Variants in BICC1 observed in about 807,000 individuals in gnomAD.
BICC1 encodes protein bicaudal C homolog 1.
In BICC1, 43 loss-of-function variants were observed where a neutral mutation model predicts 111.0. That is an observed-to-expected ratio of 0.39 (90% CI 0.30 to 0.50). BICC1 has a LOEUF of 0.50. BICC1 is among the 20% of genes least tolerant of loss of function. The probability of loss-of-function intolerance (pLI) is 0.88; values close to 1 mark genes in which losing one functional copy is unlikely to be tolerated. For synonymous variants in BICC1, 467 were observed against 434.4 expected, an observed-to-expected ratio of 1.07 and a Z score of -0.93; for missense variants, 1,091 against 1,203.2, an observed-to-expected ratio of 0.91 and a Z score of 1.38.
chr10:58,535,544 A>G (rs528367308), intron 1 of BICC1, among the ~76,000 whole-genome samples: 1 of 151,954 alleles, frequency 6.6e-6, no homozygotes, highest in African/African-American at 2.4e-5. Context: ...GGAATTTGTC[A>G]ATACTAGACC....
At chr10:58,808,160 G>A (rs1843772735) in intron 17 of BICC1, among the ~76,000 whole-genome samples, 1 of 151,822 alleles carries the variant, frequency 6.6e-6, no homozygotes, top group Non-Finnish European at 1.5e-5. Context: ...TTTCATTTTG[G>A]GAGTTATAGT....
chr10:58,679,951 C>A (rs1839465197), intron 2 of BICC1, among the ~76,000 whole-genome samples: 1 of 152,174 alleles, frequency 6.6e-6, no homozygotes, highest in South Asian at 2.1e-4. Context: ...ATGATTACCT[C>A]AATAGATGTA....
intron 2 of BICC1, among the ~76,000 whole-genome samples, chr10:58,688,949 A>G (rs1564555330): frequency 6.6e-6 from 1 of 152,076 alleles, no homozygotes; most frequent in Non-Finnish European, 1.5e-5. Flanking sequence ...TGATGGGTGC[A>G]GCAAACTACC....
At chr10:58,756,341 G>T (rs1353886002) in intron 3 of BICC1, among the ~76,000 whole-genome samples, 2 of 152,122 alleles carry the variant, frequency 1.3e-5, no homozygotes, top group African/African-American at 4.8e-5. Context: ...AATGAAACTC[G>T]CTGTTTTGTG....
chr10:58,813,695 G>A lies in BICC1; in HGVS notation c.2377-135G>A. On this transcript the variant is annotated intron_variant, in intron 17 of 20. Transcript: ENST00000373886. ...GGCAGGTTCCACAGCCTTCCCGAGA[G>A]TCAACACTCATGAGTAACTGCGGTG... 3.4e-6 allele frequency: 3 copies of A among 889,786 alleles called. No homozygotes were observed. In the South Asian group the frequency reaches 5.0e-5, roughly 15 times the overall value. The allele number at this position is 889,786 out of a possible 1,614,324, so 55.1% of individuals were successfully genotyped here.
At chr10:58,769,847 C>T (rs1220399155) in intron 3 of BICC1, among the ~76,000 whole-genome samples, 1 of 151,944 alleles carries the variant, frequency 6.6e-6, no homozygotes, top group Non-Finnish European at 1.5e-5. Flanking sequence ...GACTTTGGGC[C>T]TAAATTTCTA....
intron 1 of BICC1, 35 bp from the exon 2 acceptor site, chr10:58,620,820 A>C: frequency 6.2e-7 from 1 of 1,600,736 alleles, no homozygotes; most frequent in South Asian, 1.1e-5. Context: ...CATACATTGA[A>C]AAAGTATTTT....
chr10:58,526,912 G>A (rs1842558485), intron 1 of BICC1, among the ~76,000 whole-genome samples: 1 of 152,194 alleles, frequency 6.6e-6, no homozygotes, highest in Non-Finnish European at 1.5e-5. Context: ...CTTTATAGCA[G>A]CATGATTTAT....
chr10:58,627,455 C>T (rs1219263485), intron 2 of BICC1, among the ~76,000 whole-genome samples: 1 of 152,206 alleles, frequency 6.6e-6, no homozygotes, highest in East Asian at 1.9e-4. Context: ...AATTCCTGTA[C>T]TTGTCGGCAT....
intron 8 of BICC1, 68 bp from the exon 9 acceptor site, chr10:58,793,415 TG>T (rs1843241392): frequency 7.3e-6 from 10 of 1,376,854 alleles, no homozygotes; most frequent in Non-Finnish European, 9.1e-6. Flanking sequence ...TTTGCAGGCA[TG>T]TTAAATTATC....
At chr10:58,567,061 G>A (rs1204815644) in intron 1 of BICC1, among the ~76,000 whole-genome samples, 5 of 152,114 alleles carry the variant, frequency 3.3e-5, no homozygotes, top group Non-Finnish European at 7.3e-5. Flanking sequence ...GAGAGGCAGC[G>A]GCAGCTGTGC....
chr10:58,660,618 TAA>T (rs1838812008), intron 2 of BICC1, among the ~76,000 whole-genome samples: 1 of 150,940 alleles, frequency 6.6e-6, no homozygotes, highest in Admixed American at 6.6e-5. Context: ...TATGCCTAAT[TAA>T]TTAGTTAATT....
chr10:58,726,106 A>G (rs141265760), intron 3 of BICC1, among the ~76,000 whole-genome samples: 298 of 152,356 alleles, frequency 2.0e-3, no homozygotes, highest in African/African-American at 6.4e-3. Flanking sequence ...TTAGACTGCA[A>G]ATTCAATCAT....
intron 1 of BICC1, among the ~76,000 whole-genome samples, chr10:58,585,965 A>G (rs1340862088): frequency 6.6e-6 from 1 of 152,202 alleles, no homozygotes; most frequent in Non-Finnish European, 1.5e-5. Context: ...GTTAGTAGCC[A>G]CATGAGTAGC....
At chr10:58,682,155 A>G (rs1307664618) in intron 2 of BICC1, among the ~76,000 whole-genome samples, 2 of 151,828 alleles carry the variant, frequency 1.3e-5, no homozygotes, top group Non-Finnish European at 2.9e-5. Flanking sequence ...GCTCAGAATG[A>G]TGGTTTCCAG....
rs1316012981 is a variant in BICC1, at chr10:58,800,980, C to T, written c.1949C>T (p.Ser650Phe). 6.2e-7 allele frequency: 1 copy of T among 1,612,410 alleles called. No individual in the cohort carries two copies. The highest frequency in any genetic ancestry group is 8.5e-7 in the Non-Finnish European group (1 of 1,179,246). Residue 650 changes from serine to phenylalanine, a missense_variant, in exon 14 of 21, where the codon TCC becomes TTC. Physicochemically the swap from Ser to Phe is radical, Grantham distance 155. This residue lies in a region of BICC1 where 843 missense variants were observed against 900.8 expected (regional missense o/e 0.94). Transcript: ENST00000373886. The stretch of plus-strand genomic sequence containing the variant: ...GACTTGAAACAGATGATGTGTCCCT[C>T]CAAGGTTTCCTGTGCCAAAAGGCAG... Reference protein sequence around the residue: ...AGDLKQMMCPSKVSCAKRQTV... With the variant: ...AGDLKQMMCPFKVSCAKRQTV...
intron 15 of BICC1, among the ~76,000 whole-genome samples, chr10:58,804,659 C>T (rs1326854919): frequency 2.6e-5 from 4 of 152,024 alleles, no homozygotes; most frequent in African/African-American, 9.7e-5. Flanking sequence ...TCTTGTGGTT[C>T]TTGTCACCTT....
At chr10:58,663,079 T>C (rs989881069) in intron 2 of BICC1, among the ~76,000 whole-genome samples, 8 of 148,604 alleles carry the variant, frequency 5.4e-5, no homozygotes, top group African/African-American at 2.0e-4. Context: ...TTTTTTTTTT[T>C]TTTTTGAGAC....
chr10:58,698,800 C>T (rs149092582), intron 2 of BICC1, among the ~76,000 whole-genome samples: 112 of 152,174 alleles, frequency 7.4e-4, no homozygotes, highest in Non-Finnish European at 1.4e-3. Flanking sequence ...GAAATAGATA[C>T]GATAAAGGAT....
Sources: allele counts gnomAD v4.1 joint callset (sites outside exome capture counted in the v4.1 genomes callset), GRCh38; gene constraint gnomAD v4.1.1; regional missense constraint gnomAD v4.1.1; transcripts MANE v1.5; gene names NCBI Gene and HGNC (gene_info 2026-07-23, HGNC 2026-07-21).